CDC73: variants seen among roughly 807,000 people sequenced by gnomAD.
The protein encoded by CDC73 is parafibromin.
CDC73 carries 21 observed loss-of-function variants against 83.7 expected under a neutral mutation model. The ratio of observed to expected loss-of-function variants is 0.25; its 90% CI spans 0.18 to 0.36. The LOEUF (loss-of-function observed/expected upper bound fraction) is 0.36, where lower values mean the gene tolerates loss of function less well. Among genes scored for constraint, CDC73 ranks in the 10% least tolerant of loss-of-function variants. CDC73 has a pLI of 1.00. For synonymous variants in CDC73, 224 were observed against 212.9 expected (o/e 1.05, Z -0.45); for missense variants, 342 against 653.3 (o/e 0.52, Z 5.19).
At chr1:193,174,857 T>C (rs1676575582) in intron 10 of CDC73, among the ~76,000 whole-genome samples, 1 of 152,206 alleles carries the variant, frequency 6.6e-6, no homozygotes, top group South Asian at 2.1e-4. Flanking sequence ...TTTCTCACTA[T>C]AGAGAAAACT....
chr1:193,134,308 A>G (rs1239926416), intron 3 of CDC73, among the ~76,000 whole-genome samples: 3 of 152,172 alleles, frequency 2.0e-5, no homozygotes, highest in East Asian at 1.9e-4. Flanking sequence ...TGAACAGCTC[A>G]TCAACAGGGA....
Position 193,191,232 on chromosome 1 carries a change from A to G in CDC73, c.973-12563A>G, listed in dbSNP as rs1049114165. Among the ~76,000 whole-genome samples the G allele has an allele frequency of 3.3e-5, 5 of 152,318 alleles. No homozygotes were observed. The East Asian group carries it at 9.6e-4, about 29-fold the overall frequency. On this transcript the variant is annotated intron_variant, in intron 10 of 16. Transcript: ENST00000367435. The stretch of plus-strand genomic sequence containing the variant: ...CATATCAAAAAATGAAATTGTGTTC[A>G]TGGCATTTGAGTCACCAATATACCA...
At chr1:193,174,866 CTTGAT>C (rs1558298224) in intron 10 of CDC73, among the ~76,000 whole-genome samples, 1 of 152,160 alleles carries the variant, frequency 6.6e-6, no homozygotes, top group East Asian at 1.9e-4. Context: ...ATAGAGAAAA[CTTGAT>C]TTGATACTGT....
intron 10 of CDC73, among the ~76,000 whole-genome samples, chr1:193,177,842 C>A (rs983498374): frequency 5.3e-5 from 8 of 152,060 alleles, no homozygotes; most frequent in Non-Finnish European, 1.2e-4. Flanking sequence ...GGAGAAATCT[C>A]AATTATTTGG....
At chr1:193,215,790 A>G (rs1677357671) in intron 13 of CDC73, among the ~76,000 whole-genome samples, 1 of 151,956 alleles carries the variant, frequency 6.6e-6, no homozygotes, top group Admixed American at 6.6e-5. Context: ...GGGCTTAGCC[A>G]TGTTGCCCAG....
At chr1:193,181,559 G>A in intron 10 of CDC73, 1 of 1,580,636 alleles carries the variant, frequency 6.3e-7, no homozygotes, top group Non-Finnish European at 8.6e-7. Context: ...CTCCACTGAA[G>A]CATGTTGTAA....
chr1:193,136,475 CT>C, intron 5 of CDC73: 1 of 277,634 alleles, frequency 3.6e-6, no homozygotes. Context: ...ATTCTAAGTA[CT>C]TTATATGTAT....
At chr1:193,203,704 A>G (rs915593004) in intron 10 of CDC73, 91 bp from the exon 11 acceptor site, 45 of 1,024,948 alleles carry the variant, frequency 4.4e-5, no homozygotes, top group Admixed American at 1.4e-4. Flanking sequence ...AGAACAAGAG[A>G]CAGAGAGATA....
intron 10 of CDC73, among the ~76,000 whole-genome samples, chr1:193,154,478 G>A (rs184351503): frequency 1.7e-3 from 262 of 152,234 alleles, no homozygotes; most frequent in African/African-American, 5.8e-3. Flanking sequence ...ACTGAAAGAG[G>A]TGAATTTAAG....
At chr1:193,217,284 A>T (rs1052020671) in intron 13 of CDC73, among the ~76,000 whole-genome samples, 4 of 152,072 alleles carry the variant, frequency 2.6e-5, no homozygotes, top group Non-Finnish European at 2.9e-5. Flanking sequence ...GGTTTACCCT[A>T]TAGGCGGCTT....
chr1:193,230,541 G>A (rs1677646123), intron 13 of CDC73, among the ~76,000 whole-genome samples: 1 of 136,168 alleles, frequency 7.3e-6, no homozygotes, highest in African/African-American at 2.8e-5. Flanking sequence ...AGCAATAGTA[G>A]ATGAACCTAT....
chr1:193,138,307 G>C (rs533637073), intron 6 of CDC73, 134 bp downstream of exon 6: 3 of 710,284 alleles, frequency 4.2e-6, no homozygotes, highest in African/African-American at 3.5e-5. Context: ...TCTTAAGTTC[G>C]TAAGAACATG....
rs1678078063 is a variant in CDC73 at position 193,253,567 on chromosome 1, CATT to C, written c.*2860_*2862del. 8.6e-6 allele frequency: 2 copies of C among 231,682 alleles called. No individual in the cohort carries two copies. The highest frequency in any genetic ancestry group is 6.1e-5 in the East Asian group (1 of 16,344). 14.4% of individuals were successfully genotyped at this position (231,682 alleles called of 1,614,324 possible). On this transcript the variant is annotated 3_prime_UTR_variant, in exon 17 of 17. Coordinates refer to ENST00000367435, the MANE Select transcript of CDC73 (RefSeq NM_024529.5). Reference sequence around the variant, plus strand: ...TATTTAAACAATGTTTAATGTATTTCATTATTAACTAGTATTATAGTTTGTTTT... The same window carrying C: ...TATTTAAACAATGTTTAATGTATTTCATTAACTAGTATTATAGTTTGTTTT...
At chr1:193,157,422 T>A (rs1339887514) in intron 10 of CDC73, among the ~76,000 whole-genome samples, 4 of 152,144 alleles carry the variant, frequency 2.6e-5, no homozygotes, top group African/African-American at 9.7e-5. Flanking sequence ...CACAGATATG[T>A]TTTATTAGGC....
intron 10 of CDC73, among the ~76,000 whole-genome samples, chr1:193,189,345 A>T (rs982838062): frequency 6.6e-6 from 1 of 152,218 alleles, no homozygotes; most frequent in East Asian, 1.9e-4. Flanking sequence ...TTCCTTTAGT[A>T]ACTTTTTGTA....
chr1:193,247,661 G>A (rs549544353), intron 15 of CDC73, among the ~76,000 whole-genome samples: 39 of 152,022 alleles, frequency 2.6e-4, no homozygotes, highest in Admixed American at 1.8e-3. Flanking sequence ...TACTCCAGTC[G>A]ACACACAAAT....
intron 10 of CDC73, among the ~76,000 whole-genome samples, chr1:193,187,672 C>G (rs1319538744): frequency 6.6e-6 from 1 of 152,162 alleles, no homozygotes; most frequent in Non-Finnish European, 1.5e-5. Flanking sequence ...CTTCATCTCA[C>G]TGCCTCCACC....
At chr1:193,242,957 T>TC (rs1316867809) in intron 15 of CDC73, among the ~76,000 whole-genome samples, 3 of 146,804 alleles carry the variant, frequency 2.0e-5, no homozygotes, top group Middle Eastern at 3.5e-3. Context: ...TTCTTCTTCT[T>TC]TTTTTTTTTT....
intron 15 of CDC73, chr1:193,236,945 GT>G (rs1446702785): frequency 0.015 from 2,063 of 134,998 alleles, 17 homozygotes; most frequent in South Asian, 0.038. Flanking sequence ...ATTGATGCCA[GT>G]TTTTTTTTTT....
Sources: gnomAD v4.1 joint callset for allele counts (sites outside exome capture counted in the v4.1 genomes callset) on GRCh38, gnomAD v4.1.1 for gene constraint, MANE v1.5 for transcripts, NCBI Gene and HGNC (gene_info 2026-07-23, HGNC 2026-07-21) for gene names.